CCDC141: variants seen among roughly 807,000 people sequenced by gnomAD.
CCDC141 encodes the protein coiled-coil domain containing 141, also known as coiled-coil domain-containing protein 141.
CCDC141 carries 168 observed loss-of-function variants against 181.0 expected under a neutral mutation model. The ratio of observed to expected loss-of-function variants is 0.93; its 90% CI spans 0.82 to 1.05. The LOEUF (loss-of-function observed/expected upper bound fraction) is 1.05. CCDC141 is among the 50% of genes least tolerant of loss of function. CCDC141 has a pLI of 0.00. For missense variants in CCDC141, 1,902 were observed against 1,788.5 expected (o/e 1.06, Z -1.14); for synonymous variants, 666 against 642.3 (o/e 1.04, Z -0.56).
rs139640734 is a variant in CCDC141 at position 178,982,473 on chromosome 2, G to A, written c.226-3798C>T. On this transcript the variant is annotated intron_variant, in intron 2 of 23. Transcript: ENST00000443758. The stretch of plus-strand genomic sequence containing the variant: ...GAAGGAGGGAGGAGCCAAGATGGCC[G>A]AACAGGAACAGCTCTGGTCTACAGC... Among the ~76,000 whole-genome samples, 893 of 152,304 alleles carry A rather than the reference G, an allele frequency of 5.9e-3. 10 individuals are homozygous for A. Among genetic ancestry groups the A allele is most frequent in the African/African-American group, 0.02 (843 of 41,550 alleles).
chr2:178,931,655 C>T (rs528667140), intron 6 of CCDC141, among the ~76,000 whole-genome samples: 4 of 151,806 alleles, frequency 2.6e-5, no homozygotes, highest in South Asian at 4.2e-4. Flanking sequence ...TGTCAGGGGC[C>T]GAGGGGAGAG....
chr2:178,856,493 A>G, intron 17 of CCDC141, 96 bp from the exon 18 acceptor site: 2 of 880,232 alleles, frequency 2.3e-6, no homozygotes, highest in South Asian at 2.7e-5. Context: ...CAAAATACTC[A>G]TAATCTTAAA....
chr2:178,866,936 G>A (rs1228292191), intron 16 of CCDC141, among the ~76,000 whole-genome samples: 2 of 152,172 alleles, frequency 1.3e-5, no homozygotes, highest in Non-Finnish European at 2.9e-5. Context: ...ATGTTGGCCA[G>A]GCTGGACTTG....
the CCDC141 span, chr2:178,817,813 C>CCCTT: frequency 3.6e-6 from 1 of 274,778 alleles, no homozygotes; most frequent in Non-Finnish European, 6.6e-6. Flanking sequence ...CTCCCTCCCT[C>CCCTT]CCTTCTTTCA....
At chr2:178,965,714 G>T (rs1690596076) in intron 4 of CCDC141, among the ~76,000 whole-genome samples, 1 of 152,160 alleles carries the variant, frequency 6.6e-6, no homozygotes, top group South Asian at 2.1e-4. Context: ...CGAACTAGCT[G>T]CAGGGATTCT....
At chr2:179,036,938 C>G (rs1446629907) in intron 2 of CCDC141, among the ~76,000 whole-genome samples, 2 of 152,208 alleles carry the variant, frequency 1.3e-5, no homozygotes, top group Non-Finnish European at 2.9e-5. Flanking sequence ...AGAATATATG[C>G]TGTTATTACT....
chr2:178,962,491 A>G (rs1415698707), intron 4 of CCDC141, among the ~76,000 whole-genome samples: 1 of 152,154 alleles, frequency 6.6e-6, no homozygotes, highest in Non-Finnish European at 1.5e-5. Flanking sequence ...CTGGATGTGC[A>G]GTCTTCTCTT....
intron 5 of CCDC141, among the ~76,000 whole-genome samples, chr2:178,945,335 T>G (rs1485672436): frequency 6.6e-6 from 1 of 152,202 alleles, no homozygotes; most frequent in Non-Finnish European, 1.5e-5. Context: ...CTGTATAGCA[T>G]TGTCCTTATG....
At chr2:179,044,180 T>A (rs561290433) in intron 2 of CCDC141, among the ~76,000 whole-genome samples, 90 of 152,320 alleles carry the variant, frequency 5.9e-4, no homozygotes, top group African/African-American at 2.0e-3. Flanking sequence ...TGGAAGAACA[T>A]TCCATGCTCG....
chr2:178,985,829 T>C (rs1209440176), intron 2 of CCDC141, among the ~76,000 whole-genome samples: 2 of 152,004 alleles, frequency 1.3e-5, no homozygotes, highest in African/African-American at 2.4e-5. Context: ...TAATCAATAG[T>C]GTACCAACCA....
intron 11 of CCDC141, among the ~76,000 whole-genome samples, chr2:178,880,948 T>C (rs752887618): frequency 5.7e-4 from 87 of 152,138 alleles, no homozygotes; most frequent in Non-Finnish European, 1.1e-3. Context: ...ACAGGATACA[T>C]AGCTAACGGA....
At chr2:178,999,926 T>C (rs893775883) in intron 2 of CCDC141, among the ~76,000 whole-genome samples, 4 of 152,196 alleles carry the variant, frequency 2.6e-5, no homozygotes, top group African/African-American at 9.6e-5. Context: ...GTCATTATTA[T>C]AGTGCATTTA....
intron 2 of CCDC141, among the ~76,000 whole-genome samples, chr2:179,024,743 A>T (rs1298535197): frequency 1.3e-5 from 2 of 152,142 alleles, no homozygotes; most frequent in African/African-American, 4.8e-5. Context: ...TTTTCTCCAA[A>T]TGTTTGTGAT....
intron 7 of CCDC141, 62 bp from the exon 8 acceptor site, chr2:178,905,563 A>G: frequency 1.5e-6 from 2 of 1,377,756 alleles, no homozygotes; most frequent in South Asian, 2.9e-5. Flanking sequence ...ATCAACGTGT[A>G]CACAAAACAC....
At chr2:178,995,730 T>C (rs1692257678) in intron 2 of CCDC141, among the ~76,000 whole-genome samples, 1 of 152,192 alleles carries the variant, frequency 6.6e-6, no homozygotes, top group African/African-American at 2.4e-5. Context: ...CTCTGTTCTC[T>C]TTGCTATTTA....
intron 2 of CCDC141, among the ~76,000 whole-genome samples, chr2:178,997,434 A>G (rs949883737): frequency 6.6e-6 from 1 of 152,144 alleles, no homozygotes; most frequent in African/African-American, 2.4e-5. Context: ...AAACACAAAC[A>G]CAAGTGAGGT....
At chr2:178,986,676 GACAA>G (rs1269137300) in intron 2 of CCDC141, among the ~76,000 whole-genome samples, 5 of 151,560 alleles carry the variant, frequency 3.3e-5, no homozygotes, top group Non-Finnish European at 7.4e-5. Flanking sequence ...ACCAACAACA[GACAA>G]ACAGAGAGCC....
chr2:178,873,873 T>G (rs1686238261), intron 12 of CCDC141: 1 of 152,214 alleles, frequency 6.6e-6, no homozygotes, highest in African/African-American at 2.4e-5. Context: ...TTCAGATACC[T>G]TGATAATAGG....
chr2:179,015,105 A>ATATATACATATATATATAT (rs2042417179), intron 2 of CCDC141, among the ~76,000 whole-genome samples: 1 of 21,354 alleles, frequency 4.7e-5, no homozygotes, highest in African/African-American at 1.1e-4. Flanking sequence ...TATATATATA[A>ATATATACATATATATATAT]TATATATATA....
Sources: allele counts gnomAD v4.1 joint callset (sites outside exome capture counted in the v4.1 genomes callset), GRCh38; gene constraint gnomAD v4.1.1; transcripts MANE v1.5; gene names NCBI Gene and HGNC (gene_info 2026-07-23, HGNC 2026-07-21).